Variants in DOCK1 observed in about 807,000 individuals in gnomAD.
The protein encoded by DOCK1 is dedicator of cytokinesis 1.
Under a neutral mutation model 262.7 loss-of-function variants are expected in DOCK1, and 138 were observed. That is an observed-to-expected ratio of 0.53 (90% confidence interval 0.46 to 0.61). The LOEUF (loss-of-function observed/expected upper bound fraction) is 0.61. DOCK1 is among the 20% of genes least tolerant of loss of function. The pLI is 0.00. For synonymous variants in DOCK1, 866 were observed against 867.4 expected, an observed-to-expected ratio of 1.00 and a Z score of 0.03; for missense variants, 1,908 against 2,370.7, an observed-to-expected ratio of 0.80 and a Z score of 4.05.
intron 1 of DOCK1, among the ~76,000 whole-genome samples, chr10:126,962,163 C>CTTT (rs1297437880): frequency 1.4e-5 from 2 of 140,738 alleles, no homozygotes; most frequent in Non-Finnish European, 1.5e-5. Context: ...ATGCCCGACT[C>CTTT]TTTTTTTTTT....
Position 127,000,152 on chromosome 10 carries a change from A to G in DOCK1, c.850-20A>G, listed in dbSNP as rs2040484302. On this transcript the variant is annotated intron_variant, in intron 9 of 51. Coordinates refer to ENST00000623213, the MANE Select transcript of DOCK1 (RefSeq NM_001290223.2). ...GAATAATGGGTCTCCAAAATAATTT[A>G]TGGAAACTAATATTTCTAGGACCTC... 6.2e-7 allele frequency: 1 copy of G among 1,612,392 alleles called. No individual in the cohort carries two copies. Among genetic ancestry groups the G allele is most frequent in the Non-Finnish European group, 8.5e-7 (1 of 1,178,984 alleles).
intron 18 of DOCK1, among the ~76,000 whole-genome samples, chr10:127,036,285 C>T (rs758455486): frequency 4.6e-5 from 7 of 152,188 alleles, no homozygotes; most frequent in African/African-American, 1.7e-4. Flanking sequence ...GCGTCTTCCA[C>T]GGGATCTTTG....
intron 29 of DOCK1, among the ~76,000 whole-genome samples, chr10:127,281,723 T>C (rs935329960): frequency 6.6e-6 from 1 of 152,176 alleles, no homozygotes; most frequent in African/African-American, 2.4e-5. Flanking sequence ...GCTCATGGAC[T>C]CTGATCTCAC....
intron 47 of DOCK1, among the ~76,000 whole-genome samples, chr10:127,432,003 C>T (rs910706067): frequency 2.0e-5 from 3 of 152,082 alleles, no homozygotes; most frequent in Non-Finnish European, 4.4e-5. Flanking sequence ...AGCATGAACT[C>T]GATTGTAAAC....
At chr10:127,341,872 A>G (rs1263490325) in intron 30 of DOCK1, among the ~76,000 whole-genome samples, 1 of 152,138 alleles carries the variant, frequency 6.6e-6, no homozygotes, top group African/African-American at 2.4e-5. Context: ...CTGCATTCTG[A>G]GAGTCACAGT....
In DOCK1 at chr10:127,444,250, G is replaced by A; in HGVS notation, c.5384G>A (p.Arg1795Lys). ...SQQTPPPVTP[R>K]AKLSFSMQSS... ...CAAACACCCCCTCCAGTTACACCAA[G>A]GGCCAAGCTCAGCTTCAGCATGCAG... Residue 1795 changes from arginine (R) to lysine (K), a missense_variant, in exon 50 of 52, where the codon AGG (arginine) becomes AAG (lysine). Around this residue, in one of 9 missense-constraint regions of DOCK1, gnomAD observed 383 missense variants for 420.1 expected, o/e 0.91. Coordinates refer to ENST00000623213, the MANE Select transcript of DOCK1 (RefSeq NM_001290223.2). The A allele has an allele frequency of 6.2e-7, 1 of 1,611,214 alleles. No homozygotes were observed. Among genetic ancestry groups the A allele is most frequent in the Non-Finnish European group, 8.5e-7 (1 of 1,179,012 alleles).
In DOCK1 at chr10:127,000,174, C is replaced by T; in HGVS notation, c.852C>T (p.Asp284=). Residue 284 remains aspartate, a splice_region_variant and synonymous_variant, in exon 10 of 52, where the codon GAC becomes GAT. Transcript: ENST00000623213. ...TTTATGGAAACTAATATTTCTAGGA[C>T]CTCGGAAGCAAAGACCTGAAAAGGG... is the stretch of plus-strand genomic sequence containing the variant. The part of the protein sequence containing the change: ...RLHNLRAVFT[D]LGSKDLKREK... 6.2e-7 allele frequency: 1 copy of T among 1,613,796 alleles called. No individual in the cohort carries two copies. The highest frequency in any genetic ancestry group is 1.3e-5 in the African/African-American group (1 of 75,040).
At chr10:127,320,081 C>T (rs1228575080) in intron 29 of DOCK1, among the ~76,000 whole-genome samples, 1 of 152,196 alleles carries the variant, frequency 6.6e-6, no homozygotes, top group Non-Finnish European at 1.5e-5. Flanking sequence ...GTGCACTCAT[C>T]GGTGCCCACA....
At chr10:127,086,542 T>C (rs924737196) in intron 23 of DOCK1, among the ~76,000 whole-genome samples, 2 of 152,148 alleles carry the variant, frequency 1.3e-5, no homozygotes, top group African/African-American at 4.8e-5. Context: ...CTTTTAAAAG[T>C]CACTTTAAAA....
intron 38 of DOCK1, among the ~76,000 whole-genome samples, chr10:127,392,016 C>T: frequency 1.1e-5 from 1 of 93,076 alleles, no homozygotes; most frequent in East Asian, 3.0e-4. Flanking sequence ...GATGTACCCT[C>T]TCATCACCCA....
intron 31 of DOCK1, among the ~76,000 whole-genome samples, chr10:127,352,267 G>A (rs1467030915): frequency 8.7e-5 from 8 of 91,598 alleles, no homozygotes; most frequent in Non-Finnish European, 1.2e-4. Flanking sequence ...GCATCGGGGA[G>A]GGGTGGGGAG....
Position 127,176,052 on chromosome 10 carries a change from T to G in DOCK1, c.2847+48288T>G, listed in dbSNP as rs1190295068. 1 of 1,614,002 alleles carries G rather than the reference T, an allele frequency of 6.2e-7. No homozygotes were observed. The highest frequency in any genetic ancestry group is 8.5e-7 in the Non-Finnish European group (1 of 1,180,036). On this transcript the variant is annotated intron_variant, in intron 27 of 51. Transcript: ENST00000623213. This position sits in a 1 kb window ranked among gnomAD's most constrained non-coding sequence, Gnocchi z 4.4. ...TTTGCGGTCCAGAGGGAACGTCTGG[T>G]AACACTTCTTAAGGTCGGGCGAGGT... is the stretch of plus-strand genomic sequence containing the variant.
At chr10:126,922,780 G>A (rs2033330025) in intron 1 of DOCK1, among the ~76,000 whole-genome samples, 2 of 152,142 alleles carry the variant, frequency 1.3e-5, no homozygotes, top group Admixed American at 1.3e-4. Flanking sequence ...CTTTAAAATG[G>A]TTAATTTTCT....
intron 18 of DOCK1, among the ~76,000 whole-genome samples, chr10:127,035,620 T>A (rs528931287): frequency 7.2e-5 from 11 of 152,202 alleles, no homozygotes; most frequent in Non-Finnish European, 1.5e-4. Flanking sequence ...GAAATACTGG[T>A]AATTCTTGTG....
At chr10:126,958,028 A>G (rs920053760) in intron 1 of DOCK1, among the ~76,000 whole-genome samples, 3 of 152,210 alleles carry the variant, frequency 2.0e-5, no homozygotes, top group Admixed American at 1.3e-4. Flanking sequence ...TGACTTATCT[A>G]TGGTAATAAA....
intron 29 of DOCK1, among the ~76,000 whole-genome samples, chr10:127,315,664 G>GC (rs148462760): frequency 1.1e-3 from 165 of 152,302 alleles, no homozygotes; most frequent in African/African-American, 3.8e-3. Context: ...TATGAGAGCT[G>GC]CCCCTGAAGT....
chr10:127,212,682 A>G (rs1262806802), intron 27 of DOCK1, among the ~76,000 whole-genome samples: 1 of 150,476 alleles, frequency 6.6e-6, no homozygotes, highest in African/African-American at 2.4e-5. Context: ...TCAATGAAGG[A>G]TGAATTTTCT....
chr10:127,053,449 G>A (rs750278689), intron 22 of DOCK1, among the ~76,000 whole-genome samples: 1 of 152,246 alleles, frequency 6.6e-6, no homozygotes, highest in South Asian at 2.1e-4. Flanking sequence ...TCAGTAGAGT[G>A]ATGTTTCATT....
At chr10:127,244,496 T>A (rs2059367195) in intron 27 of DOCK1, among the ~76,000 whole-genome samples, 1 of 152,222 alleles carries the variant, frequency 6.6e-6, no homozygotes, top group Non-Finnish European at 1.5e-5. Context: ...TATAGCAATT[T>A]ATGTTCCCAC....
Sources: allele counts gnomAD v4.1 joint callset (sites outside exome capture counted in the v4.1 genomes callset), GRCh38; gene constraint gnomAD v4.1.1; regional missense constraint gnomAD v4.1.1; non-coding constraint Gnocchi (gnomAD v3.1); transcripts MANE v1.5; gene names NCBI Gene and HGNC (gene_info 2026-07-23, HGNC 2026-07-21).